ARMC6: variants seen among roughly 807,000 people sequenced by gnomAD.
ARMC6 encodes the protein armadillo repeat containing 6.
ARMC6 carries 43 observed loss-of-function variants against 49.2 expected under a neutral mutation model. The observed-to-expected ratio is 0.87, with a 90% confidence interval of 0.69 to 1.13. ARMC6 has a LOEUF of 1.13. Ranked by LOEUF, ARMC6 falls within the 50% of genes most tolerant of loss-of-function variation. The probability of loss-of-function intolerance (pLI) is 0.00; values close to 1 mark genes in which losing one functional copy is unlikely to be tolerated. For missense variants in ARMC6, 627 were observed against 682.0 expected (o/e 0.92, Z 0.90); for synonymous variants, 262 against 289.6 (o/e 0.90, Z 0.97).
chr19:19,047,769 CAT>C (rs2059463149), intron 4 of ARMC6, among the ~76,000 whole-genome samples: 1 of 152,174 alleles, frequency 6.6e-6, no homozygotes, highest in Non-Finnish European at 1.5e-5. Context: ...CTCCTGAGAA[CAT>C]GTGTCCAAGG....
At chr19:19,052,441 T>C (rs563995772) in intron 5 of ARMC6, among the ~76,000 whole-genome samples, 1 of 152,192 alleles carries the variant, frequency 6.6e-6, no homozygotes, top group African/African-American at 2.4e-5. Context: ...TCTGGAGCTG[T>C]CTGGGGAAGG....
chr19:19,044,058 C>G lies in ARMC6; in HGVS notation c.263C>G (p.Thr88Arg), dbSNP rs951051597. 5.6e-6 allele frequency: 9 copies of G among 1,614,010 alleles called. No individual in the cohort carries two copies. The African/African-American group carries it at 1.2e-4, about 22-fold the overall frequency. The change falls in exon 4 of 9, where the codon ACA (threonine) becomes AGA (arginine). Residue 88 changes from threonine to arginine, a missense_variant. By Grantham distance (71) the Thr-to-Arg change is moderately conservative (BLOSUM62 -1). Coordinates refer to ENST00000535612, the MANE Select transcript of ARMC6 (RefSeq NM_001199196.2). ...TCTGCAGACGGATCCCAGGAGCCCA[C>G]ACATGACATCCTGCAGGTAGGAGTG... The part of the protein sequence containing the change: ...KVSADGSQEP[T>R]HDILQMLSDL...
chr19:19,043,890 C>G (rs935281895), intron 3 of ARMC6, 102 bp from the exon 4 acceptor site: 78 of 1,065,036 alleles, frequency 7.3e-5, no homozygotes, highest in Non-Finnish European at 9.9e-5. Flanking sequence ...TGGGGTGGTC[C>G]CAGCAGAAGG....
In ARMC6 at chr19:19,051,996, A is replaced by T. The variant is rs760845250; in HGVS notation, c.654A>T (p.Lys218Asn). Residue 218 changes from lysine to asparagine, a missense_variant, in exon 5 of 9, where the codon AAA becomes AAT. By Grantham distance (94) the Lys-to-Asn change is moderately conservative (BLOSUM62 0). Coordinates refer to ENST00000535612, the MANE Select transcript of ARMC6 (RefSeq NM_001199196.2). ...KHEQNRQDLV[K>N]AGVLPLLTGA... ...AACAGAATCGGCAAGACCTGGTGAA[A>T]GCTGGCGTGCTGCCTCTGCTGACTG... 1.9e-6 allele frequency: 3 copies of T among 1,614,072 alleles called. No homozygotes were observed. The South Asian group carries it at 3.3e-5, about 18-fold the overall frequency.
At chr19:19,034,002 C>G (rs549687155) in intron 1 of ARMC6, 72 bp downstream of exon 1, 82 of 555,360 alleles carry the variant, frequency 1.5e-4, no homozygotes, top group Middle Eastern at 9.6e-4. Context: ...GTCGGGCTGG[C>G]GCGACCCTCG....
chr19:19,047,528 T>G (rs2059461238), intron 4 of ARMC6, among the ~76,000 whole-genome samples: 1 of 152,150 alleles, frequency 6.6e-6, no homozygotes, highest in Admixed American at 6.6e-5. Flanking sequence ...AGTTGTAGAA[T>G]GAAAGGCATT....
At chr19:19,036,690 A>G (rs2059371851) in intron 2 of ARMC6, among the ~76,000 whole-genome samples, 1 of 152,208 alleles carries the variant, frequency 6.6e-6, no homozygotes, top group East Asian at 1.9e-4. Flanking sequence ...AGAGGGGCCT[A>G]TCTGCAAAAG....
intron 6 of ARMC6, 125 bp downstream of exon 6, chr19:19,054,446 C>T (rs569178102): frequency 2.6e-5 from 27 of 1,055,586 alleles, no homozygotes; most frequent in African/African-American, 1.5e-4. Flanking sequence ...TTTCTTTTCA[C>T]GGACCCAAGG....
At chr19:19,050,182 C>G (rs1160798085) in intron 4 of ARMC6, among the ~76,000 whole-genome samples, 1 of 151,844 alleles carries the variant, frequency 6.6e-6, no homozygotes, top group Non-Finnish European at 1.5e-5. Flanking sequence ...GTTTGTTTTT[C>G]TTTTTGGAGA....
At position 19,057,769 on chromosome 19, in the gene ARMC6, T is replaced by C; in HGVS notation, c.*141T>C. The C allele has an allele frequency of 5.0e-6, 2 of 402,498 alleles. No individual in the cohort carries two copies. Among genetic ancestry groups the C allele is most frequent in the South Asian group, 4.3e-5 (2 of 46,404 alleles). The allele number at this position is 402,498 out of a possible 1,614,324, so 24.9% of individuals were successfully genotyped here. ...TTTCTGGCAGGCCCTAGGTAAAGGG[T>C]CGGGGGAGGGGGGAGCCTTGTAGGG... is the stretch of plus-strand genomic sequence containing the variant. On this transcript the variant is annotated 3_prime_UTR_variant, in exon 9 of 9. Transcript: ENST00000535612.
chr19:19,052,571 C>G (rs1271080893), intron 5 of ARMC6, among the ~76,000 whole-genome samples: 4 of 152,292 alleles, frequency 2.6e-5, no homozygotes, highest in African/African-American at 9.6e-5. Flanking sequence ...TGGATGTGTA[C>G]ACGCTTGATC....
intron 4 of ARMC6, among the ~76,000 whole-genome samples, chr19:19,051,194 ACAACAGGCATCTTATTGTTTCTT>A (rs1243866527): frequency 2.6e-5 from 4 of 152,316 alleles, no homozygotes; most frequent in African/African-American, 9.6e-5. Context: ...AACAACCCAA[ACAACAGGCATCTTATTGTTTCTT>A]GTGATTCTGC....
At position 19,055,417 on chromosome 19, in the gene ARMC6, A is replaced by G; in HGVS notation, c.1155+21A>G. On this transcript the variant is annotated intron_variant, in intron 7 of 8. Coordinates refer to ENST00000535612, the MANE Select transcript of ARMC6 (RefSeq NM_001199196.2). The surrounding 1 kb of genome is among the most constrained non-coding windows in gnomAD (Gnocchi z 5.7). The stretch of plus-strand genomic sequence containing the variant: ...CCCAGGTACCCACCTCGGGGGGCAC[A>G]CACAGTAGCAGGGTGGTGGCTGGAG... 5 of 1,583,422 alleles carry G rather than the reference A, an allele frequency of 3.2e-6. No homozygotes were observed. The South Asian group carries it at 5.8e-5, about 18-fold the overall frequency.
chr19:19,046,287 C>G (rs1320729158), intron 4 of ARMC6, among the ~76,000 whole-genome samples: 2 of 152,012 alleles, frequency 1.3e-5, no homozygotes, highest in East Asian at 1.9e-4. Context: ...AGCTCCACCT[C>G]CCAGGTTCAT....
In ARMC6 at chr19:19,057,551, GC is replaced by G. The variant is rs2059555184; in HGVS notation, c.1431del (p.Ala478ProfsTer36). On this transcript the variant is annotated frameshift_variant, in exon 9 of 9. Transcript: ENST00000535612. LOFTEE classifies it high-confidence loss of function. ...AHRDCEDVAK[A>X]ALRDLGCHVE... ...CCGTGACTGTGAGGACGTGGCCAAGGCCGCCCTGCGGGACCTGGGTTGTCAT... is the reference window on the plus strand; with the variant it reads ...CCGTGACTGTGAGGACGTGGCCAAGGCGCCCTGCGGGACCTGGGTTGTCAT... 6.2e-7 allele frequency: 1 copy of G among 1,613,844 alleles called. No homozygotes were observed. The highest frequency in any genetic ancestry group is 8.5e-7 in the Non-Finnish European group (1 of 1,180,004).
chr19:19,040,623 T>C (rs987179979), intron 2 of ARMC6: 18 of 280,204 alleles, frequency 6.4e-5, no homozygotes, highest in African/African-American at 3.9e-4. Context: ...GAGCTGTATT[T>C]GTTTTAGTAT....
chr19:19,045,504 T>TTTTTTTTTTTTTTTTTTTTTA (rs1599639724), intron 4 of ARMC6, among the ~76,000 whole-genome samples: 7 of 143,566 alleles, frequency 4.9e-5, no homozygotes, highest in South Asian at 2.2e-4. Context: ...TTTTTTTTTT[T>TTTTTTTTTTTTTTTTTTTTTA]GAGACAAGAG....
chr19:19,045,737 T>A (rs2059445169), intron 4 of ARMC6, among the ~76,000 whole-genome samples: 1 of 151,310 alleles, frequency 6.6e-6, no homozygotes, highest in South Asian at 2.1e-4. Context: ...CTGCAAGCTC[T>A]GCCTCCTGGG....
chr19:19,051,471 G>A, intron 4 of ARMC6, 151 bp from the exon 5 acceptor site: 2 of 664,832 alleles, frequency 3.0e-6, no homozygotes, highest in Non-Finnish European at 2.6e-6. Flanking sequence ...CACAGGTCTG[G>A]AAGTTGCCAG....
Sources: gnomAD v4.1 joint callset for allele counts (sites outside exome capture counted in the v4.1 genomes callset) on GRCh38, gnomAD v4.1.1 for gene constraint, Gnocchi (gnomAD v3.1) non-coding constraint, MANE v1.5 for transcripts, NCBI Gene and HGNC (gene_info 2026-07-23, HGNC 2026-07-21) for gene names.